Variants in TGM3 observed in about 807,000 individuals in gnomAD.
TGM3 encodes the protein transglutaminase 3.
A neutral mutation model predicts 73.8 loss-of-function variants in TGM3; 52 were observed. That is an observed-to-expected ratio of 0.70 (90% CI 0.56 to 0.89). The LOEUF (loss-of-function observed/expected upper bound fraction) is 0.89. TGM3 is among the 40% of genes least tolerant of loss of function. The probability of loss-of-function intolerance (pLI) is 0.00; values close to 1 mark genes in which losing one functional copy is unlikely to be tolerated. For missense variants in TGM3, 928 were observed against 909.9 expected (o/e 1.02, Z -0.26); for synonymous variants, 372 against 354.9 (o/e 1.05, Z -0.54).
In TGM3 at chr20:2,332,019, C is replaced by T. The variant is rs779702016; in HGVS notation, c.1351C>T (p.Gln451Ter). ...KYPEGSDQER[Q>*]VFQKALGKLK... ...CCACACAGGCTCTGACCAGGAAAGA[C>T]AAGTGTTCCAAAAGGCTTTGGGGAA... is the stretch of plus-strand genomic sequence containing the variant. The change falls in exon 10 of 13, where the codon CAA becomes TAA. Residue 451 changes from glutamine (Q) to a stop codon, truncating the protein, a stop_gained. Coordinates refer to ENST00000381458, the MANE Select transcript of TGM3 (RefSeq NM_003245.4). LOFTEE classifies it high-confidence loss of function. This position sits in a 1 kb window ranked among gnomAD's most constrained non-coding sequence, Gnocchi z 4.4. 3.1e-5 allele frequency: 50 copies of T among 1,608,428 alleles called. No individual in the cohort carries two copies. The highest frequency in any genetic ancestry group is 4.1e-5 in the Non-Finnish European group (48 of 1,176,906).
chr20:2,327,499 A>G (rs2084295118), intron 8 of TGM3, among the ~76,000 whole-genome samples: 1 of 152,178 alleles, frequency 6.6e-6, no homozygotes, highest in African/African-American at 2.4e-5. Flanking sequence ...AAACAAACAA[A>G]AAAGATATAG....
chr20:2,313,052 C>T, intron 5 of TGM3, 26 bp downstream of exon 5: 1 of 1,613,736 alleles, frequency 6.2e-7, no homozygotes, highest in Admixed American at 1.7e-5. Context: ...ACGATCACAG[C>T]TAGTTGTCAT....
In TGM3 at chr20:2,340,943, T is replaced by A. The variant is rs45572444; in HGVS notation, c.*362T>A. The A allele has an allele frequency of 2.1e-6, 1 of 474,040 alleles. No individual in the cohort carries two copies. The highest frequency in any genetic ancestry group is 2.3e-5 in the Admixed American group (1 of 43,026). The allele number at this position is 474,040 out of a possible 1,614,324, so 29.4% of individuals were successfully genotyped here. ...ATACAGGAGAGAAGCTGGTCTAGAC[T>A]GTTTGCTGATCCCCAACCTGCACGG... On this transcript the variant is annotated 3_prime_UTR_variant, in exon 13 of 13. Coordinates refer to ENST00000381458, the MANE Select transcript of TGM3 (RefSeq NM_003245.4).
intron 3 of TGM3, among the ~76,000 whole-genome samples, chr20:2,310,631 A>G (rs2084198897): frequency 2.6e-5 from 4 of 152,250 alleles, no homozygotes; most frequent in South Asian, 2.1e-4. Context: ...TGTCCTCACC[A>G]TTAAATGGAC....
Position 2,340,450 on chromosome 20 carries a change from C to G in TGM3, c.1951C>G (p.Pro651Ala). Reference protein sequence around the residue: ...NLKIDVPTLGPKEGSRVRFDI... With the variant: ...NLKIDVPTLGAKEGSRVRFDI... Reference sequence around the variant, plus strand: ...CCCCATCAGCGTGCCGACCCTAGGGCCCAAGGAGGGGTCCCGGGTCCGTTT... The same window carrying G: ...CCCCATCAGCGTGCCGACCCTAGGGGCCAAGGAGGGGTCCCGGGTCCGTTT... Residue 651 changes from proline (P) to alanine (A), a missense_variant, in exon 13 of 13, where the codon CCC becomes GCC. Coordinates refer to ENST00000381458, the MANE Select transcript of TGM3 (RefSeq NM_003245.4). 6.2e-7 allele frequency: 1 copy of G among 1,614,046 alleles called. No individual in the cohort carries two copies. Among genetic ancestry groups the G allele is most frequent in the Non-Finnish European group, 8.5e-7 (1 of 1,179,964 alleles).
At chr20:2,307,036 C>G (rs1439971966) in intron 1 of TGM3, among the ~76,000 whole-genome samples, 1 of 152,162 alleles carries the variant, frequency 6.6e-6, no homozygotes, top group African/African-American at 2.4e-5. Flanking sequence ...TTTCTGTCCT[C>G]CCTTATTTCT....
intron 9 of TGM3, among the ~76,000 whole-genome samples, chr20:2,329,015 G>A (rs1053315138): frequency 9.9e-5 from 15 of 152,202 alleles, no homozygotes; most frequent in South Asian, 8.3e-4. Flanking sequence ...AACCAGCAGC[G>A]CATCTCTTGG....
chr20:2,302,024 C>A lies in TGM3; in HGVS notation c.7+5954C>A, dbSNP rs148818783. Among the ~76,000 whole-genome samples, 610 of 152,198 alleles carry A rather than the reference C, an allele frequency of 4.0e-3. 5 individuals carry two copies. Among genetic ancestry groups the A allele is most frequent in the African/African-American group, 0.013 (556 of 41,538 alleles). On this transcript the variant is annotated intron_variant, in intron 1 of 12. Coordinates refer to ENST00000381458, the MANE Select transcript of TGM3 (RefSeq NM_003245.4). Reference sequence around the variant, plus strand: ...CCACTTTTTAGCATTTCTGTCAGCCCTCATTAACTCTAGACTTCTGTAAAA... The same window carrying A: ...CCACTTTTTAGCATTTCTGTCAGCCATCATTAACTCTAGACTTCTGTAAAA...
intron 7 of TGM3, among the ~76,000 whole-genome samples, chr20:2,321,039 T>A (rs2084260033): frequency 1.3e-5 from 2 of 152,172 alleles, no homozygotes; most frequent in East Asian, 3.9e-4. Context: ...TGGCTCCTCA[T>A]GCAATCTCTC....
Position 2,341,038 on chromosome 20 carries a change from C to T in TGM3, c.*457C>T, listed in dbSNP as rs2084380068. ...GGTTAGTCACCTGCCCCAGCACTCA[C>T]ACCCTAACTCAAAATAAATGTTAAA... On this transcript the variant is annotated 3_prime_UTR_variant, in exon 13 of 13. Coordinates refer to ENST00000381458, the MANE Select transcript of TGM3 (RefSeq NM_003245.4). 4.6e-6 allele frequency: 2 copies of T among 430,186 alleles called. No homozygotes were observed. Among genetic ancestry groups the T allele is most frequent in the South Asian group, 1.6e-5 (1 of 61,994 alleles). The allele number at this position is 430,186 out of a possible 1,614,324, so 26.6% of individuals were successfully genotyped here.
At chr20:2,326,638 CA>C (rs2084289427) in intron 8 of TGM3, among the ~76,000 whole-genome samples, 1 of 152,086 alleles carries the variant, frequency 6.6e-6, no homozygotes, top group Non-Finnish European at 1.5e-5. Flanking sequence ...CTGTTGAGAT[CA>C]GGAGTTCAAG....
At chr20:2,317,710 C>T (rs1317179033) in intron 7 of TGM3, among the ~76,000 whole-genome samples, 3 of 151,892 alleles carry the variant, frequency 2.0e-5, no homozygotes, top group Non-Finnish European at 4.4e-5. Context: ...ATCTTGCTGC[C>T]GTCAGACAAA....
At chr20:2,305,014 T>C (rs1436411156) in intron 1 of TGM3, among the ~76,000 whole-genome samples, 2 of 152,204 alleles carry the variant, frequency 1.3e-5, no homozygotes, top group Non-Finnish European at 2.9e-5. Context: ...ATGGAAAAGA[T>C]GCCTGAGACA....
chr20:2,302,580 G>A (rs1056799428), intron 1 of TGM3, among the ~76,000 whole-genome samples: 1 of 152,078 alleles, frequency 6.6e-6, no homozygotes, highest in African/African-American at 2.4e-5. Context: ...GCTAGGGTAC[G>A]TATGGCCCTG....
intron 11 of TGM3, among the ~76,000 whole-genome samples, chr20:2,335,972 G>T (rs4815128): frequency 6.6e-6 from 1 of 152,256 alleles, no homozygotes; most frequent in Non-Finnish European, 1.5e-5. Context: ...CCTCCAAGGC[G>T]TCCTGGTACA....
At chr20:2,297,614 C>G (rs1402962039) in intron 1 of TGM3, among the ~76,000 whole-genome samples, 2 of 152,158 alleles carry the variant, frequency 1.3e-5, no homozygotes, top group Non-Finnish European at 2.9e-5. Context: ...GTTCTAAAGT[C>G]ACAACAGAAT....
chr20:2,331,238 C>A (rs1203144348), intron 9 of TGM3, among the ~76,000 whole-genome samples: 5 of 152,036 alleles, frequency 3.3e-5, no homozygotes, highest in African/African-American at 1.2e-4. Flanking sequence ...TCAGCCCTGG[C>A]TCAGAGGCTT....
chr20:2,329,741 G>A (rs567061937), intron 9 of TGM3, among the ~76,000 whole-genome samples: 6 of 152,256 alleles, frequency 3.9e-5, no homozygotes, highest in Non-Finnish European at 7.3e-5. Flanking sequence ...CTGAGCCCTC[G>A]CTTCCTCACC....
chr20:2,332,195 C>T lies in TGM3; in HGVS notation c.1527C>T (p.Ser509=). 6.2e-7 allele frequency: 1 copy of T among 1,614,098 alleles called. No homozygotes were observed. Among genetic ancestry groups the T allele is most frequent in the Non-Finnish European group, 8.5e-7 (1 of 1,179,990 alleles). Residue 509 remains serine, a synonymous_variant, in exon 10 of 13, where the codon AGC becomes AGT. Transcript: ENST00000381458. This position sits in a 1 kb window ranked among gnomAD's most constrained non-coding sequence, Gnocchi z 4.4. ...VNLVLLLKNL[S]RDTKTVTVNM... is the part of the protein sequence containing the mutation. ...TGGTCCTACTGCTCAAAAACCTGAG[C>T]AGGGATACGAAGACAGTGACAGTGA... is the stretch of plus-strand genomic sequence containing the variant.
Sources: gnomAD v4.1 joint callset for allele counts (sites outside exome capture counted in the v4.1 genomes callset) on GRCh38, gnomAD v4.1.1 for gene constraint, Gnocchi (gnomAD v3.1) non-coding constraint, MANE v1.5 for transcripts, NCBI Gene and HGNC (gene_info 2026-07-23, HGNC 2026-07-21) for gene names.